CKAP5: variants seen among roughly 807,000 people sequenced by gnomAD.
CKAP5 encodes the protein cytoskeleton associated protein 5.
CKAP5 carries 27 observed loss-of-function variants against 232.8 expected under a neutral mutation model. That is an observed-to-expected ratio of 0.12 (90% CI 0.09 to 0.16). The LOEUF (loss-of-function observed/expected upper bound fraction) is 0.16, where lower values mean the gene tolerates loss of function less well. CKAP5 is among the 10% of genes least tolerant of loss of function. CKAP5 has a pLI of 1.00. For missense variants in CKAP5, 1,838 were observed against 2,424.7 expected (o/e 0.76, Z 5.08); for synonymous variants, 785 against 841.1 (o/e 0.93, Z 1.16).
At chr11:46,776,229 G>A (rs371126915) in intron 24 of CKAP5, 26 bp downstream of exon 24, 5 of 1,607,762 alleles carry the variant, frequency 3.1e-6, no homozygotes, top group Non-Finnish European at 3.4e-6. Context: ...CATGAGTAAT[G>A]CACATGATTA....
At position 46,816,340 on chromosome 11, in the gene CKAP5, T is replaced by G; in HGVS notation, c.316A>C (p.Lys106Gln). 1 of 1,614,148 alleles carries G rather than the reference T, an allele frequency of 6.2e-7. No homozygotes were observed. Among genetic ancestry groups the G allele is most frequent in the Non-Finnish European group, 8.5e-7 (1 of 1,180,024 alleles). The change falls in exon 4 of 44, where the codon AAG becomes CAG. Residue 106 changes from lysine (K) to glutamine (Q), a missense_variant. By Grantham distance (53) the Lys-to-Gln change is moderately conservative. Coordinates refer to ENST00000529230, the MANE Select transcript of CKAP5 (RefSeq NM_001008938.4). Reference protein sequence around the residue: ...KVFNQPKAKAKELGIEICLMY... With the variant: ...KVFNQPKAKAQELGIEICLMY... ...AGACAGATCTCTATGCCCAGCTCCT[T>G]GGCTTTAGCTTTAGGTTGATTGAAC...
chr11:46,792,283 T>C (rs1032087620), intron 13 of CKAP5, among the ~76,000 whole-genome samples: 2 of 152,196 alleles, frequency 1.3e-5, no homozygotes, highest in African/African-American at 4.8e-5. Flanking sequence ...CTGGGCATGG[T>C]GGCTCATGCC....
At chr11:46,820,143 T>C (rs896702616) in intron 2 of CKAP5, among the ~76,000 whole-genome samples, 3 of 152,270 alleles carry the variant, frequency 2.0e-5, no homozygotes, top group East Asian at 1.9e-4. Context: ...AAAAGCATTA[T>C]AGTTAACGAT....
At position 46,750,277 on chromosome 11, in the gene CKAP5, T is replaced by C. The variant is rs902767000; in HGVS notation, c.5701A>G (p.Thr1901Ala). 7 of 1,613,898 alleles carry C rather than the reference T, an allele frequency of 4.3e-6. No homozygotes were observed. The highest frequency in any genetic ancestry group is 5.9e-6 in the Non-Finnish European group (7 of 1,179,930). The change falls in exon 42 of 44, where the codon ACA (threonine) becomes GCA (alanine). Residue 1901 changes from threonine (T) to alanine (A), a missense_variant. Thr to Ala is a moderately conservative substitution (Grantham distance 58, BLOSUM62 0). Transcript: ENST00000529230. ...REGKGRISTS[T>A]GISPQMEVTC... ...GAGCTATAACAGGAAACCATACCTG[T>C]TGAAGTGGAAATACGACCTTTGCCC...
In CKAP5 at chr11:46,811,066, T is replaced by A. The variant is rs770548703; in HGVS notation, c.571A>T (p.Ile191Phe). The change falls in exon 5 of 44, where the codon ATT (isoleucine) becomes TTT (phenylalanine). Residue 191 changes from isoleucine (I) to phenylalanine (F), a missense_variant. This residue lies in a region of CKAP5 where 285 missense variants were observed against 300.0 expected (regional missense o/e 0.95). Coordinates refer to ENST00000529230, the MANE Select transcript of CKAP5 (RefSeq NM_001008938.4). ...AGAGCATCCCGAATCCATCTGTAAA[T>A]CTCCACAGCAATTAGTTTGGCTTCA... is the stretch of plus-strand genomic sequence containing the variant. Reference protein sequence around the residue: ...RDEAKLIAVEIYRWIRDALRP... With the variant: ...RDEAKLIAVEFYRWIRDALRP... 7 of 1,613,952 alleles carry A rather than the reference T, an allele frequency of 4.3e-6. No individual in the cohort carries two copies. Among genetic ancestry groups the A allele is most frequent in the Middle Eastern group, 1.6e-4 (1 of 6,082 alleles).
At chr11:46,781,878 AGC>A (rs2065345223) in intron 18 of CKAP5, among the ~76,000 whole-genome samples, 1 of 152,032 alleles carries the variant, frequency 6.6e-6, no homozygotes, top group Non-Finnish European at 1.5e-5. Flanking sequence ...GAGGCTGGAG[AGC>A]AATGGCATGA....
In CKAP5 at chr11:46,744,719, T is replaced by C. The variant is rs111447477; in HGVS notation, c.5705-142A>G. 8.0e-4 allele frequency: 601 copies of C among 755,470 alleles called. 4 individuals carry two copies. The African/African-American group carries it at 9.2e-3, about 12-fold the overall frequency. The allele number at this position is 755,470 out of a possible 1,614,324, so 46.8% of individuals were successfully genotyped here. On this transcript the variant is annotated intron_variant, in intron 42 of 43. Coordinates refer to ENST00000529230, the MANE Select transcript of CKAP5 (RefSeq NM_001008938.4). ...AAATTCCACAAGAATCTACCTGGAG[T>C]TGGTGATAAGGGTGCTCTGAAATAT...
intron 1 of CKAP5, among the ~76,000 whole-genome samples, chr11:46,826,034 G>A (rs1054488741): frequency 2.6e-5 from 4 of 152,032 alleles, no homozygotes; most frequent in African/African-American, 7.2e-5. Flanking sequence ...TCCTCTTGCC[G>A]GAGTATTCTG....
chr11:46,821,009 TTGAGCTACAGAAACCTATTTTCAA>T, intron 2 of CKAP5, 142 bp downstream of exon 2: 1 of 546,110 alleles, frequency 1.8e-6, no homozygotes, highest in Admixed American at 3.5e-5. Context: ...AAATTTTTAG[TTGAGCTACAGAAACCTATTTTCAA>T]TGAGAAAAAA....
chr11:46,786,777 G>A (rs1179725785), intron 16 of CKAP5, among the ~76,000 whole-genome samples: 1 of 152,126 alleles, frequency 6.6e-6, no homozygotes, highest in Non-Finnish European at 1.5e-5. Context: ...GGGTAAAGCT[G>A]TAAAGTGCCT....
At chr11:46,769,836 A>C (rs1431197888) in intron 26 of CKAP5, 127 bp downstream of exon 26, 1 of 1,021,678 alleles carries the variant, frequency 9.8e-7, no homozygotes, top group Non-Finnish European at 1.5e-6. Flanking sequence ...GAAAGTAAGC[A>C]GAGAAGGAAG....
chr11:46,832,442 T>C (rs1236716444), intron 1 of CKAP5, among the ~76,000 whole-genome samples: 1 of 152,242 alleles, frequency 6.6e-6, no homozygotes, highest in African/African-American at 2.4e-5. Flanking sequence ...AGCTCTACTC[T>C]AGATTAAATT....
intron 28 of CKAP5, among the ~76,000 whole-genome samples, chr11:46,764,281 A>G (rs2065182641): frequency 6.6e-6 from 1 of 152,254 alleles, no homozygotes; most frequent in Admixed American, 6.5e-5. Context: ...GGAGTTTAAT[A>G]TAGATACACT....
intron 15 of CKAP5, among the ~76,000 whole-genome samples, chr11:46,789,669 G>A (rs554062607): frequency 3.9e-5 from 6 of 152,050 alleles, no homozygotes; most frequent in Non-Finnish European, 7.4e-5. Context: ...GGTGGTGGGC[G>A]CCTGTAGTCC....
At chr11:46,825,491 G>T (rs1274231268) in intron 1 of CKAP5, among the ~76,000 whole-genome samples, 3 of 152,132 alleles carry the variant, frequency 2.0e-5, no homozygotes, top group Non-Finnish European at 2.9e-5. Flanking sequence ...CTACTGTACA[G>T]ATTATTTTCT....
chr11:46,799,721 G>A (rs763567480), intron 9 of CKAP5, among the ~76,000 whole-genome samples: 8 of 152,154 alleles, frequency 5.3e-5, no homozygotes, highest in Non-Finnish European at 7.3e-5. Flanking sequence ...ATTTTAGGCC[G>A]GGTGTGGTGG....
rs757766541 is a variant in CKAP5 at position 46,778,618 on chromosome 11, G to C, written c.2434-19C>G. The C allele has an allele frequency of 1.2e-6, 2 of 1,609,486 alleles. No homozygotes were observed. The highest frequency in any genetic ancestry group is 2.7e-5 in the African/African-American group (2 of 74,788). ...CCTGCATCTATACACAAATGAATGA[G>C]TAAGGCTAATGAAATTTATATAGGA... On this transcript the variant is annotated intron_variant, in intron 20 of 43. Transcript: ENST00000529230.
At chr11:46,840,082 C>T (rs190524395) in intron 1 of CKAP5, among the ~76,000 whole-genome samples, 1 of 152,178 alleles carries the variant, frequency 6.6e-6, no homozygotes, top group African/African-American at 2.4e-5. Context: ...GCCATGATCA[C>T]ACCACTACAC....
Position 46,795,635 on chromosome 11 carries a change from C to T in CKAP5, c.1609G>A (p.Ala537Thr). Residue 537 changes from alanine (A) to threonine (T), a missense_variant, in exon 13 of 44, where the codon GCA (alanine) becomes ACA (threonine). Physicochemically the swap from Ala to Thr is moderately conservative, Grantham distance 58. Transcript: ENST00000529230. The part of the protein sequence containing the change: ...AGDKDTKDIS[A>T]PKPGPLKKAP... ...TTTTTTAGAGGTCCTGGTTTGGGTG[C>T]AGAAATGTCCTTTGTGTCCTTATCT... The T allele has an allele frequency of 6.2e-7, 1 of 1,614,008 alleles. No individual in the cohort carries two copies. Among genetic ancestry groups the T allele is most frequent in the Non-Finnish European group, 8.5e-7 (1 of 1,179,930 alleles).
Sources: gnomAD v4.1 joint callset for allele counts (sites outside exome capture counted in the v4.1 genomes callset) on GRCh38, gnomAD v4.1.1 for gene constraint, gnomAD v4.1.1 regional missense constraint, MANE v1.5 for transcripts, NCBI Gene and HGNC (gene_info 2026-07-23, HGNC 2026-07-21) for gene names.